Variants in PPL observed in about 807,000 individuals in gnomAD.
PPL encodes the protein 190 kDa paraneoplastic pemphigus antigen.
Under a neutral mutation model 194.4 loss-of-function variants are expected in PPL, and 198 were observed. The observed-to-expected ratio is 1.02, with a 90% CI of 0.91 to 1.15. The LOEUF (loss-of-function observed/expected upper bound fraction) is 1.15, where lower values mean the gene tolerates loss of function less well. Among genes scored for constraint, PPL ranks in the 50% most tolerant of loss-of-function variants. The pLI is 0.00. For synonymous variants in PPL, 1,220 were observed against 972.4 expected, an observed-to-expected ratio of 1.25 and a Z score of -4.74; for missense variants, 2,885 against 2,294.8, an observed-to-expected ratio of 1.26 and a Z score of -5.25.
At chr16:4,916,015 C>A (rs2088909742) in intron 1 of PPL, among the ~76,000 whole-genome samples, 1 of 152,192 alleles carries the variant, frequency 6.6e-6, no homozygotes, top group African/African-American at 2.4e-5. Context: ...TGCCACTTTT[C>A]ATCCACTACA....
At position 4,883,175 on chromosome 16, in the gene PPL, T is replaced by G. The variant is rs1407673198; in HGVS notation, c.*209A>C. 1.1e-5 allele frequency: 7 copies of G among 616,392 alleles called. No individual in the cohort carries two copies. Among genetic ancestry groups the G allele is most frequent in the East Asian group, 2.9e-5 (1 of 35,066 alleles). 38.2% of individuals were successfully genotyped at this position (616,392 alleles called of 1,614,324 possible). ...GTCATTGGAGGATGAAGTACGTCAC[T>G]CAGGGTGAATGATGGTTGGGACGAG... On this transcript the variant is annotated 3_prime_UTR_variant, in exon 22 of 22. Transcript: ENST00000345988. The surrounding 1 kb of genome is among the most constrained non-coding windows in gnomAD (Gnocchi z 4.8).
rs1482938867 is a variant in PPL at position 4,894,486 on chromosome 16, C to T, written c.1375G>A (p.Ala459Thr). ...CFVIPPTDPE[A>T]LALADSLGSQ... ...TTGTACCTGTCAGCCAGAGCCAGGG[C>T]CTCAGGGTCTGTGGGGGGGATCACA... is the stretch of plus-strand genomic sequence containing the variant. Residue 459 changes from alanine (A) to threonine (T), a missense_variant, in exon 12 of 22, where the codon GCC (alanine) becomes ACC (threonine). Coordinates refer to ENST00000345988, the MANE Select transcript of PPL (RefSeq NM_002705.5). 1 of 1,613,882 alleles carries T rather than the reference C, an allele frequency of 6.2e-7. No individual in the cohort carries two copies. The highest frequency in any genetic ancestry group is 1.3e-5 in the African/African-American group (1 of 75,058).
chr16:4,883,775 T>A lies in PPL; in HGVS notation c.4880A>T (p.Lys1627Met). The A allele has an allele frequency of 6.2e-7, 1 of 1,614,120 alleles. No individual in the cohort carries two copies. Among genetic ancestry groups the A allele is most frequent in the Non-Finnish European group, 8.5e-7 (1 of 1,180,032 alleles). ...RELDDLKRLS[K>M]DKDLEIDELQ... ...CTCGTCGATCTCGAGGTCTTTGTCC[T>A]TGGAGAGCCTCTTGAGGTCATCCAG... The change falls in exon 22 of 22, where the codon AAG becomes ATG. Residue 1627 changes from lysine to methionine, a missense_variant. Lys to Met is a moderately conservative substitution (Grantham distance 95). Coordinates refer to ENST00000345988, the MANE Select transcript of PPL (RefSeq NM_002705.5). The surrounding 1 kb of genome is among the most constrained non-coding windows in gnomAD (Gnocchi z 4.8).
In PPL at chr16:4,936,480, C is replaced by T. The variant is rs12931551; in HGVS notation, c.62+504G>A. Among the ~76,000 whole-genome samples, 10 of 152,292 alleles carry T rather than the reference C, an allele frequency of 6.6e-5. 1 individual carries two copies. The Middle Eastern group carries it at 0.01, about 155-fold the overall frequency. On this transcript the variant is annotated intron_variant, in intron 1 of 21. Coordinates refer to ENST00000345988, the MANE Select transcript of PPL (RefSeq NM_002705.5). ...CCGACGCCAGGAACACTTGCGCGGT[C>T]TCAGAGGCGCTGGAGAGCGCCCCCC...
In PPL at chr16:4,892,148, G is replaced by A; in HGVS notation, c.1716C>T (p.Ala572=). 1 of 1,613,822 alleles carries A rather than the reference G, an allele frequency of 6.2e-7. No individual in the cohort carries two copies. The change falls in exon 15 of 22, where the codon GCC becomes GCT. Residue 572 remains alanine, a synonymous_variant. Coordinates refer to ENST00000345988, the MANE Select transcript of PPL (RefSeq NM_002705.5). ...EKTRSTAEGE[A]FIQALPGSGT... ...CACTGCCTGGGAGGGCCTGGATGAA[G>A]GCTTCGCCCTCAGCCGTGCTCCGCG... is the stretch of plus-strand genomic sequence containing the variant.
Position 4,903,996 on chromosome 16 carries a change from G to A in PPL, c.207C>T (p.Asp69=), listed in dbSNP as rs199816244. The part of the protein sequence containing the change: ...LQEGRQPEHR[D]VTLQKVLDSE... ...AGTCCAACACCTTCTGCAGGGTCAC[G>A]TCCCGGTGCTCAGGCTGCCGACCCT... is the stretch of plus-strand genomic sequence containing the variant. Residue 69 remains aspartate, a synonymous_variant, in exon 3 of 22, where the codon GAC becomes GAT. Transcript: ENST00000345988. 4.6e-4 allele frequency: 749 copies of A among 1,613,454 alleles called. No individual in the cohort carries two copies. The highest frequency in any genetic ancestry group is 5.9e-4 in the Non-Finnish European group (691 of 1,180,002).
intron 1 of PPL, among the ~76,000 whole-genome samples, chr16:4,914,844 C>T (rs1048969257): frequency 2.0e-5 from 3 of 152,064 alleles, no homozygotes; most frequent in South Asian, 2.1e-4. Flanking sequence ...GGGGTCCACC[C>T]GACTCCTCCC....
Position 4,891,881 on chromosome 16 carries a change from T to C in PPL, c.1898A>G (p.Asn633Ser), listed in dbSNP as rs149533227. The C allele has an allele frequency of 2.5e-6, 4 of 1,613,430 alleles. No individual in the cohort carries two copies. In the African/African-American group the frequency reaches 5.3e-5, roughly 22 times the overall value. Residue 633 changes from asparagine (N) to serine (S), a missense_variant, in exon 16 of 22, where the codon AAC becomes AGC. Physicochemically the swap from Asn to Ser is conservative, Grantham distance 46 (BLOSUM62 1). Coordinates refer to ENST00000345988, the MANE Select transcript of PPL (RefSeq NM_002705.5). The part of the protein sequence containing the change: ...QSWELLATHE[N>S]HLNQDDTVPE... The stretch of plus-strand genomic sequence containing the variant: ...CACTGTGTCATCCTGATTCAGATGG[T>C]TCTCGTGTGTGGCCAGCAACTCCCA...
At chr16:4,895,203 A>C in intron 11 of PPL, 58 bp downstream of exon 11, 1 of 1,516,618 alleles carries the variant, frequency 6.6e-7, no homozygotes, top group Admixed American at 2.2e-5. Flanking sequence ...CCCGGGATCC[A>C]ACCATGTTAC....
chr16:4,913,455 A>C (rs1158059837), intron 1 of PPL, among the ~76,000 whole-genome samples: 1 of 152,136 alleles, frequency 6.6e-6, no homozygotes, highest in Non-Finnish European at 1.5e-5. Flanking sequence ...CTACCAAAGG[A>C]CTGTGCATAG....
rs1491515139 is a variant in PPL, at chr16:4,902,693, T to TC, written c.318-168_318-167insG. 2.2e-4 allele frequency among the ~76,000 whole-genome samples: 4 copies of TC among 18,374 alleles called. No homozygotes were observed. Among genetic ancestry groups the TC allele is most frequent in the African/African-American group, 3.0e-4 (3 of 10,012 alleles). The allele number at this position is 18,374 out of a possible 152,430, so 12.1% of individuals were successfully genotyped here. On this transcript the variant is annotated intron_variant, in intron 3 of 21. Transcript: ENST00000345988. The surrounding 1 kb of genome is among the most constrained non-coding windows in gnomAD (Gnocchi z 4.0). ...TCCTCTCACCCCTCCTCCCATGCAC[T>TC]TTTTTTTTTTTTTTGAGACAGAGTC... is the stretch of plus-strand genomic sequence containing the variant.
At position 4,934,750 on chromosome 16, in the gene PPL, C is replaced by T. The variant is rs138678156; in HGVS notation, c.62+2234G>A. ...GCCGCAAGTCTGTCCCCTCCACCCC[C>T]CCACCAAGACACTTGCTATGGGGCT... On this transcript the variant is annotated intron_variant, in intron 1 of 21. Coordinates refer to ENST00000345988, the MANE Select transcript of PPL (RefSeq NM_002705.5). Among the ~76,000 whole-genome samples the T allele has an allele frequency of 3.8e-3, 573 of 152,288 alleles. 3 individuals are homozygous for T. Among genetic ancestry groups the T allele is most frequent in the Non-Finnish European group, 5.6e-3 (381 of 68,032 alleles).
chr16:4,888,511 C>T (rs751189678), intron 19 of PPL, among the ~76,000 whole-genome samples: 59 of 152,202 alleles, frequency 3.9e-4, no homozygotes, highest in African/African-American at 1.2e-3. Flanking sequence ...CATTCTGCTG[C>T]TGCTTTTAAC....
intron 1 of PPL, among the ~76,000 whole-genome samples, chr16:4,930,208 G>A (rs557951038): frequency 3.3e-5 from 5 of 152,212 alleles, no homozygotes; most frequent in South Asian, 2.1e-4. Flanking sequence ...ACTGATCCCC[G>A]GGTTCGGCGT....
chr16:4,894,143 AT>A (rs2088373531), intron 12 of PPL, among the ~76,000 whole-genome samples: 1 of 152,152 alleles, frequency 6.6e-6, no homozygotes. Context: ...GGCAGCCCTT[AT>A]CCCAGCTGAG....
chr16:4,900,853 G>A lies in PPL; in HGVS notation c.583C>T (p.Arg195Trp), dbSNP rs763025866. ...ACCAGCAGTTTCTGGTACTTGGCCC[G>A]GAGTTCGCTGTTCTGCTCCTGAGGA... ...DGDKEQNSEL[R>W]AKYQKLLAAS... The change falls in exon 6 of 22, where the codon CGG (arginine) becomes TGG (tryptophan). Residue 195 changes from arginine (R) to tryptophan (W), a missense_variant. Arg to Trp is a moderately radical substitution (Grantham distance 101). Coordinates refer to ENST00000345988, the MANE Select transcript of PPL (RefSeq NM_002705.5). 2.3e-5 allele frequency: 37 copies of A among 1,613,986 alleles called. No individual in the cohort carries two copies. The highest frequency in any genetic ancestry group is 1.6e-4 in the Middle Eastern group (1 of 6,084).
intron 2 of PPL, among the ~76,000 whole-genome samples, chr16:4,907,669 C>T (rs910009157): frequency 1.3e-5 from 2 of 152,080 alleles, no homozygotes; most frequent in South Asian, 2.1e-4. Context: ...TGAAATGCCA[C>T]TGACTTGTAC....
At chr16:4,889,177 A>G (rs948804867) in intron 18 of PPL, 116 bp from the exon 19 acceptor site, 4 of 736,704 alleles carry the variant, frequency 5.4e-6, no homozygotes, top group Admixed American at 2.0e-5. Context: ...AGCACAAAGT[A>G]TGATGAATGG....
rs763112955 is a variant in PPL, at chr16:4,899,293, G to C, written c.698C>G (p.Ala233Gly). The change falls in exon 7 of 22, where the codon GCC (alanine) becomes GGC (glycine). Residue 233 changes from alanine (A) to glycine (G), a missense_variant. Ala to Gly is a moderately conservative substitution (Grantham distance 60). Transcript: ENST00000345988. ...TNELYWLDQQ[A>G]KGRMQYDWSD... ...CCAGTCGTACTGCATGCGGCCCTTG[G>C]CCTGCTGGTCCAGCCAGTACAGCTC... 6.2e-7 allele frequency: 1 copy of C among 1,613,606 alleles called. No homozygotes were observed. Among genetic ancestry groups the C allele is most frequent in the Non-Finnish European group, 8.5e-7 (1 of 1,180,002 alleles).
Sources: gnomAD v4.1 joint callset for allele counts (sites outside exome capture counted in the v4.1 genomes callset) on GRCh38, gnomAD v4.1.1 for gene constraint, Gnocchi (gnomAD v3.1) non-coding constraint, MANE v1.5 for transcripts, NCBI Gene and HGNC (gene_info 2026-07-23, HGNC 2026-07-21) for gene names.